Variants in ITGB5 observed in about 807,000 individuals in gnomAD.
ITGB5 encodes the protein integrin subunit beta 5.
ITGB5 carries 38 observed loss-of-function variants against 84.8 expected under a neutral mutation model. The observed-to-expected ratio is 0.45, with a 90% CI of 0.35 to 0.59. The LOEUF (loss-of-function observed/expected upper bound fraction) is 0.59. Ranked by LOEUF, ITGB5 falls within the 20% of genes least tolerant of loss-of-function variation. The pLI is 0.01. For missense variants in ITGB5, 905 were observed against 1,034.5 expected (o/e 0.87, Z 1.72); for synonymous variants, 393 against 414.4 (o/e 0.95, Z 0.63).
In ITGB5 at chr3:124,822,597, G is replaced by A. The variant is rs139515106; in HGVS notation, c.781-1123C>T. Among the ~76,000 whole-genome samples the A allele has an allele frequency of 1.0e-3, 153 of 152,292 alleles. 1 individual carries two copies. The highest frequency in any genetic ancestry group is 3.4e-3 in the Middle Eastern group (1 of 294). On this transcript the variant is annotated intron_variant, in intron 5 of 14. Transcript: ENST00000296181. ...AAATAAATAAATCACAAAAGAGCCCGCCAACATGAGGAGGAAAAGAAGTTT... is the reference window on the plus strand; with the variant it reads ...AAATAAATAAATCACAAAAGAGCCCACCAACATGAGGAGGAAAAGAAGTTT...
intron 1 of ITGB5, among the ~76,000 whole-genome samples, chr3:124,884,690 C>CA (rs564081760): frequency 5.9e-4 from 89 of 149,700 alleles, no homozygotes; most frequent in African/African-American, 1.3e-3. Context: ...GACTCTGTCT[C>CA]AAAAAAAAAG....
intron 8 of ITGB5, among the ~76,000 whole-genome samples, chr3:124,814,849 A>T (rs1324038572): frequency 6.6e-6 from 1 of 152,204 alleles, no homozygotes; most frequent in East Asian, 1.9e-4. Context: ...AACTCGCAGA[A>T]TCAAGCGACA....
intron 2 of ITGB5, among the ~76,000 whole-genome samples, chr3:124,870,348 C>A (rs1469502862): frequency 6.6e-6 from 1 of 152,224 alleles, no homozygotes; most frequent in Non-Finnish European, 1.5e-5. Context: ...AGCAGACACA[C>A]AATAAATAGC....
intron 2 of ITGB5, among the ~76,000 whole-genome samples, chr3:124,868,153 C>A (rs984816655): frequency 2.0e-5 from 3 of 152,144 alleles, no homozygotes; most frequent in African/African-American, 4.8e-5. Context: ...TTTCCTGAGG[C>A]CTCCCCAGCC....
intron 12 of ITGB5, among the ~76,000 whole-genome samples, chr3:124,767,560 C>G (rs1579164552): frequency 6.6e-6 from 1 of 152,198 alleles, no homozygotes; most frequent in African/African-American, 2.4e-5. Flanking sequence ...GTTTCCTTCT[C>G]TGACCATGTG....
chr3:124,892,091 A>G (rs1449376453), upstream of ITGB5, among the ~76,000 whole-genome samples: 1 of 152,172 alleles, frequency 6.6e-6, no homozygotes, highest in Non-Finnish European at 1.5e-5. Context: ...CATACTATGT[A>G]TAAAGTACAT....
At chr3:124,839,952 C>CAG (rs1390087980) in intron 5 of ITGB5, among the ~76,000 whole-genome samples, 1 of 152,222 alleles carries the variant, frequency 6.6e-6, no homozygotes, top group Non-Finnish European at 1.5e-5. Context: ...CTGTGATGGG[C>CAG]AGAACCACAG....
intron 3 of ITGB5, among the ~76,000 whole-genome samples, chr3:124,849,836 C>T (rs182046986): frequency 2.0e-4 from 30 of 152,138 alleles, no homozygotes; most frequent in African/African-American, 6.5e-4. Flanking sequence ...TTCATAATTT[C>T]TAAAAACAAA....
chr3:124,866,861 C>T (rs1299046459), intron 2 of ITGB5, among the ~76,000 whole-genome samples: 2 of 152,180 alleles, frequency 1.3e-5, no homozygotes, highest in Admixed American at 6.5e-5. Context: ...TGGAGAAATC[C>T]CTCTGCCAGC....
intron 10 of ITGB5, among the ~76,000 whole-genome samples, chr3:124,787,304 A>G (rs2064095753): frequency 1.3e-5 from 2 of 152,204 alleles, no homozygotes; most frequent in Admixed American, 1.3e-4. Flanking sequence ...AGCGGTAAGC[A>G]AAAGCAGTGA....
intron 1 of ITGB5, among the ~76,000 whole-genome samples, chr3:124,899,190 T>C (rs1455548208): frequency 1.3e-5 from 2 of 152,314 alleles, no homozygotes; most frequent in East Asian, 1.9e-4. Context: ...CCTGATTCTA[T>C]TTATTTGTTT....
At chr3:124,844,685 G>A (rs1044905665) in intron 4 of ITGB5, among the ~76,000 whole-genome samples, 2 of 152,236 alleles carry the variant, frequency 1.3e-5, no homozygotes, top group Non-Finnish European at 2.9e-5. Context: ...CCTCAGTCCT[G>A]CAGAGGGCTG....
chr3:124,872,817 G>A (rs1934121395), intron 2 of ITGB5, among the ~76,000 whole-genome samples: 2 of 150,130 alleles, frequency 1.3e-5, no homozygotes, highest in Non-Finnish European at 3.0e-5. Context: ...ATGTTGTCTA[G>A]GCTGGACTCA....
chr3:124,861,292 A>G (rs972849169), intron 2 of ITGB5, among the ~76,000 whole-genome samples: 1 of 151,754 alleles, frequency 6.6e-6, no homozygotes, highest in African/African-American at 2.4e-5. Context: ...CTCCATAAAC[A>G]CTTGTTGTGC....
intron 10 of ITGB5, among the ~76,000 whole-genome samples, chr3:124,784,007 G>C (rs369505593): frequency 1.2e-4 from 18 of 152,252 alleles, no homozygotes; most frequent in African/African-American, 4.3e-4. Context: ...TCATCGGCTG[G>C]ACTACATGGG....
chr3:124,768,931 C>A, intron 12 of ITGB5, 82 bp downstream of exon 12: 1 of 1,066,510 alleles, frequency 9.4e-7, no homozygotes, highest in Non-Finnish European at 1.4e-6. Flanking sequence ...CTGGGCAGTG[C>A]CTCCTGACTC....
chr3:124,890,199 GCTT>G (rs1469051540), upstream of ITGB5, among the ~76,000 whole-genome samples: 2 of 121,532 alleles, frequency 1.6e-5, no homozygotes, highest in African/African-American at 6.5e-5. Context: ...TACTTATCTA[GCTT>G]TTTTTTTTTT....
intron 8 of ITGB5, among the ~76,000 whole-genome samples, chr3:124,813,217 G>A (rs1013567052): frequency 2.0e-5 from 3 of 152,188 alleles, no homozygotes; most frequent in Admixed American, 6.5e-5. Flanking sequence ...GCCAGGACAG[G>A]AGCAAGTAAG....
chr3:124,772,911 CT>C lies in ITGB5; in HGVS notation c.1916+778del, dbSNP rs35802279. Among the ~76,000 whole-genome samples the C allele has an allele frequency of 5.9e-3, 746 of 127,308 alleles. 1 individual carries two copies. The highest frequency in any genetic ancestry group is 0.01 in the South Asian group (39 of 3,874). The allele number at this position is 127,308 out of a possible 152,430, so 83.5% of individuals were successfully genotyped here. A position where few individuals can be genotyped will look rare whatever the true frequency, so the allele number is the denominator to read the frequency against. On this transcript the variant is annotated intron_variant, in intron 11 of 14. Transcript: ENST00000296181. ...GTCGGGTGCCTTTCTCTCCAATTTA[CT>C]TTTTTTTTTTTTTTTTTTTGAGACG...
Sources: allele counts gnomAD v4.1 joint callset (sites outside exome capture counted in the v4.1 genomes callset), GRCh38; gene constraint gnomAD v4.1.1; transcripts MANE v1.5; gene names NCBI Gene and HGNC (gene_info 2026-07-23, HGNC 2026-07-21).